The following NEBL variants were observed in gnomAD, a reference collection of about 807,000 sequenced individuals.
NEBL encodes nebulette.
NEBL carries 122 observed loss-of-function variants against 140.2 expected under a neutral mutation model. The observed-to-expected ratio is 0.87, with a 90% CI of 0.75 to 1.01. The LOEUF (loss-of-function observed/expected upper bound fraction) is 1.01, where lower values mean the gene tolerates loss of function less well. Ranked by LOEUF, NEBL falls within the 50% of genes least tolerant of loss-of-function variation. NEBL has a pLI of 0.00. For synonymous variants in NEBL, 436 were observed against 398.9 expected, an observed-to-expected ratio of 1.09 and a Z score of -1.11; for missense variants, 1,365 against 1,231.3, an observed-to-expected ratio of 1.11 and a Z score of -1.62.
At chr10:20,867,614 A>G (rs1228281997) in intron 7 of NEBL, 1 of 152,112 alleles carries the variant, frequency 6.6e-6, no homozygotes, top group Non-Finnish European at 1.5e-5. Context: ...TGTAGTATAT[A>G]GAGTCTCCTG....
At chr10:21,070,043 C>T in intron 2 of NEBL, 1 of 455,618 alleles carries the variant, frequency 2.2e-6, no homozygotes, top group Non-Finnish European at 4.4e-6. Context: ...GTGTCACCTC[C>T]ACACAAAGCC....
intron 3 of NEBL, among the ~76,000 whole-genome samples, chr10:21,206,301 T>C (rs1841823979): frequency 6.6e-6 from 1 of 152,198 alleles, no homozygotes; most frequent in African/African-American, 2.4e-5. Context: ...ACTACTAAAA[T>C]AAGTTATTTT....
At chr10:21,150,815 G>A (rs1029300587) in intron 2 of NEBL, among the ~76,000 whole-genome samples, 1 of 152,094 alleles carries the variant, frequency 6.6e-6, no homozygotes, top group Non-Finnish European at 1.5e-5. Context: ...GTTTTCCTAG[G>A]TGTCCAAATT....
intron 8 of NEBL, among the ~76,000 whole-genome samples, chr10:20,858,787 T>C (rs1345197288): frequency 1.3e-5 from 2 of 152,196 alleles, no homozygotes; most frequent in Non-Finnish European, 2.9e-5. Flanking sequence ...AAACCATTGA[T>C]AGCAAGCATA....
intron 5 of NEBL, among the ~76,000 whole-genome samples, chr10:20,871,441 C>T (rs1248309065): frequency 1.3e-5 from 2 of 152,110 alleles, no homozygotes; most frequent in Non-Finnish European, 2.9e-5. Flanking sequence ...CCCTTTCTTA[C>T]TCCTTTTAAA....
chr10:20,972,367 G>C (rs1836610268), intron 3 of NEBL, among the ~76,000 whole-genome samples: 1 of 152,034 alleles, frequency 6.6e-6, no homozygotes, highest in South Asian at 2.1e-4. Context: ...TCTATAACAA[G>C]ACATAATTCT....
intron 11 of NEBL, among the ~76,000 whole-genome samples, chr10:20,846,902 T>C (rs1842003974): frequency 6.6e-6 from 1 of 151,338 alleles, no homozygotes; most frequent in African/African-American, 2.4e-5. Context: ...ATTTGTGAAA[T>C]AAGACAAAGA....
intron 2 of NEBL, among the ~76,000 whole-genome samples, chr10:21,154,458 CAA>C (rs368260076): frequency 1.9e-4 from 22 of 117,644 alleles, no homozygotes; most frequent in Admixed American, 4.6e-4. Context: ...GACTCTGCTT[CAA>C]AAAAAAAAAA....
At chr10:20,848,726 C>T (rs955538753) in intron 11 of NEBL, among the ~76,000 whole-genome samples, 5 of 152,166 alleles carry the variant, frequency 3.3e-5, no homozygotes, top group East Asian at 1.9e-4. Flanking sequence ...TCCCCTCCAA[C>T]ACCACCACCA....
intron 2 of NEBL, among the ~76,000 whole-genome samples, chr10:21,048,591 G>C (rs1589173069): frequency 4.6e-5 from 7 of 152,084 alleles, no homozygotes; most frequent in Admixed American, 4.6e-4. Context: ...CAATAAGAGG[G>C]AGAGAGAGAG....
At chr10:21,030,104 C>A (rs1315730139) in intron 2 of NEBL, 2 of 475,786 alleles carry the variant, frequency 4.2e-6, no homozygotes, top group Non-Finnish European at 8.1e-6. Context: ...AGGGGCAAAG[C>A]CCGTTGATAG....
At chr10:21,106,115 G>T (rs1488910384) in intron 2 of NEBL, among the ~76,000 whole-genome samples, 2 of 151,808 alleles carry the variant, frequency 1.3e-5, no homozygotes, top group Admixed American at 6.6e-5. Flanking sequence ...AGATTGCAAA[G>T]ATTTTCTCCC....
intron 3 of NEBL, among the ~76,000 whole-genome samples, chr10:20,975,699 A>C (rs1417134770): frequency 1.3e-5 from 2 of 152,196 alleles, no homozygotes; most frequent in Non-Finnish European, 2.9e-5. Flanking sequence ...AAAGACTGGA[A>C]GCCTGCCTCC....
At position 20,809,805 on chromosome 10, in the gene NEBL, C is replaced by A. The variant is rs767928290; in HGVS notation, c.2611+1G>T. ...GGGATGAACTAAAAAGTGAGTAATACCAGAGAGCATATGGAGACTTCTAGA... is the reference window on the plus strand; with the variant it reads ...GGGATGAACTAAAAAGTGAGTAATAACAGAGAGCATATGGAGACTTCTAGA... On this transcript the variant is annotated splice_donor_variant, in intron 25 of 27. Coordinates refer to ENST00000377122, the MANE Select transcript of NEBL (RefSeq NM_006393.3). LOFTEE classifies it high-confidence loss of function. The A allele has an allele frequency of 6.3e-6, 10 of 1,598,582 alleles. No homozygotes were observed. The highest frequency in any genetic ancestry group is 8.6e-6 in the Non-Finnish European group (10 of 1,166,164).
chr10:21,252,681 C>T (rs188215053), intron 1 of NEBL, among the ~76,000 whole-genome samples: 109 of 152,236 alleles, frequency 7.2e-4, no homozygotes, highest in Non-Finnish European at 1.1e-3. Flanking sequence ...GGAGGCTGGG[C>T]GCGGTAGCTC....
intron 2 of NEBL, among the ~76,000 whole-genome samples, chr10:21,111,589 T>C (rs1838016076): frequency 6.6e-6 from 1 of 151,056 alleles, no homozygotes; most frequent in African/African-American, 2.5e-5. Context: ...CAAAAATTAA[T>C]TCAAGTTGGA....
upstream of NEBL, among the ~76,000 whole-genome samples, chr10:20,898,364 T>C (rs1463165207): frequency 1.3e-5 from 2 of 152,052 alleles, no homozygotes; most frequent in Non-Finnish European, 2.9e-5. Flanking sequence ...AAATACAAAT[T>C]TATTAAAAAT....
intron 3 of NEBL, among the ~76,000 whole-genome samples, chr10:20,998,217 C>G (rs1483607853): frequency 1.3e-5 from 2 of 152,120 alleles, no homozygotes; most frequent in Admixed American, 1.3e-4. Context: ...TCGGAAAGTC[C>G]TGAGGCCAAA....
At chr10:21,230,786 G>A (rs1171262880) in intron 3 of NEBL, among the ~76,000 whole-genome samples, 1 of 151,876 alleles carries the variant, frequency 6.6e-6, no homozygotes, top group East Asian at 1.9e-4. Flanking sequence ...TGTATTTTTG[G>A]TAGAGATGGG....
Sources: allele counts gnomAD v4.1 joint callset (sites outside exome capture counted in the v4.1 genomes callset), GRCh38; gene constraint gnomAD v4.1.1; transcripts MANE v1.5; gene names NCBI Gene and HGNC (gene_info 2026-07-23, HGNC 2026-07-21).